The following SLC35D4 variants were observed in gnomAD, a reference collection of about 807,000 sequenced individuals.
SLC35D4 encodes UDP-N-acetylglucosamine transporter SLC35D4.
the SLC35D4 span, among the ~76,000 whole-genome samples, chr18:23,243,733 G>A: frequency 6.6e-6 from 1 of 151,882 alleles, no homozygotes; most frequent in African/African-American, 2.4e-5. Context: ...TTAGCCAGGT[G>A]TGGTGGCAGG....
chr18:23,367,548 C>T, the SLC35D4 span, among the ~76,000 whole-genome samples: 1 of 152,140 alleles, frequency 6.6e-6, no homozygotes, highest in African/African-American at 2.4e-5. Context: ...AACACTCTCT[C>T]TTCATTCTCT....
the SLC35D4 span, among the ~76,000 whole-genome samples, chr18:23,399,845 A>G: frequency 1.3e-5 from 2 of 152,200 alleles, no homozygotes; most frequent in African/African-American, 4.8e-5. Flanking sequence ...CTACAATCCC[A>G]TCATTACTGA....
chr18:23,366,911 AAAC>A, the SLC35D4 span, among the ~76,000 whole-genome samples: 1 of 152,214 alleles, frequency 6.6e-6, no homozygotes, highest in Admixed American at 6.5e-5. Context: ...ATGTAGCTAT[AAAC>A]AAGACTGAAG....
the SLC35D4 span, among the ~76,000 whole-genome samples, chr18:23,392,590 A>G: frequency 3.3e-5 from 5 of 152,186 alleles, no homozygotes; most frequent in Non-Finnish European, 5.9e-5. Flanking sequence ...TATTAAAAAT[A>G]CATACCTTGC....
chr18:23,427,054 C>T, the SLC35D4 span, among the ~76,000 whole-genome samples: 1 of 152,200 alleles, frequency 6.6e-6, no homozygotes, highest in Non-Finnish European at 1.5e-5. Context: ...AGACCTAAAA[C>T]CACAGAAACC....
At chr18:23,321,986 G>C in the SLC35D4 span, among the ~76,000 whole-genome samples, 1 of 152,110 alleles carries the variant, frequency 6.6e-6, no homozygotes, top group African/African-American at 2.4e-5. Context: ...GGAATATTCA[G>C]CTCCCTCTCC....
At chr18:23,360,785 T>A in the SLC35D4 span, among the ~76,000 whole-genome samples, 1 of 152,144 alleles carries the variant, frequency 6.6e-6, no homozygotes, top group African/African-American at 2.4e-5. Flanking sequence ...TTTAAAGTAC[T>A]ACCAAATAAC....
chr18:23,331,528 T>G, the SLC35D4 span: 1 of 152,260 alleles, frequency 6.6e-6, no homozygotes, highest in South Asian at 2.1e-4. Context: ...GGGCTCTGCT[T>G]TCTGAGCGCC....
the SLC35D4 span, among the ~76,000 whole-genome samples, chr18:23,270,664 T>A: frequency 3.9e-5 from 6 of 152,256 alleles, no homozygotes; most frequent in African/African-American, 1.4e-4. Flanking sequence ...ACCCACCTCC[T>A]GCATCAGCAT....
the SLC35D4 span, among the ~76,000 whole-genome samples, chr18:23,411,546 A>AAAGAAAGG: frequency 4.3e-3 from 636 of 148,992 alleles, 3 homozygotes; most frequent in Non-Finnish European, 7.1e-3. Flanking sequence ...AGAAAGAAAG[A>AAAGAAAGG]AAGAAAGGTG....
At chr18:23,329,852 TATACCATGGA>T in the SLC35D4 span, among the ~76,000 whole-genome samples, 6 of 152,314 alleles carry the variant, frequency 3.9e-5, no homozygotes, top group South Asian at 6.2e-4. Flanking sequence ...GTGGCACATA[TATACCATGGA>T]ATACTATGCA....
chr18:23,411,322 A>G, the SLC35D4 span, among the ~76,000 whole-genome samples: 2 of 140,984 alleles, frequency 1.4e-5, no homozygotes, highest in African/African-American at 2.6e-5. Flanking sequence ...GGGAAAGGGA[A>G]GAGAAGGGAA....
the SLC35D4 span, among the ~76,000 whole-genome samples, chr18:23,334,906 A>G: frequency 6.6e-6 from 1 of 152,054 alleles, no homozygotes; most frequent in Non-Finnish European, 1.5e-5. Context: ...CTCAGCAGGC[A>G]GAGGCAGGAG....
At chr18:23,358,452 GA>G in the SLC35D4 span, among the ~76,000 whole-genome samples, 1 of 149,808 alleles carries the variant, frequency 6.7e-6, no homozygotes, top group Non-Finnish European at 1.5e-5. Context: ...AAGAAAGAAA[GA>G]AAAAAAAACA....
the SLC35D4 span, among the ~76,000 whole-genome samples, chr18:23,245,426 G>A: frequency 6.6e-6 from 1 of 151,222 alleles, no homozygotes; most frequent in South Asian, 2.1e-4. Flanking sequence ...CACGAGAATC[G>A]CTTGAACCCG....
chr18:23,357,197 AT>A, the SLC35D4 span, among the ~76,000 whole-genome samples: 16 of 149,860 alleles, frequency 1.1e-4, no homozygotes, highest in South Asian at 4.2e-4. Flanking sequence ...CTGCCCTGAC[AT>A]TTTTTTTTTC....
chr18:23,251,724 A>G, the SLC35D4 span, among the ~76,000 whole-genome samples: 5 of 152,188 alleles, frequency 3.3e-5, no homozygotes, highest in Non-Finnish European at 7.3e-5. Context: ...CATTATATAC[A>G]TATGGTGGCA....
At chr18:23,340,508 C>T in the SLC35D4 span, among the ~76,000 whole-genome samples, 6 of 152,112 alleles carry the variant, frequency 3.9e-5, no homozygotes, top group Non-Finnish European at 8.8e-5. Flanking sequence ...CAGCACTGCA[C>T]AGCCCAAGAG....
the SLC35D4 span, among the ~76,000 whole-genome samples, chr18:23,387,146 A>G: frequency 0.18 from 27,898 of 152,092 alleles, 3,762 homozygotes; most frequent in African/African-American, 0.33. Context: ...TCCTGGCCTC[A>G]AGTGATCCAC....
Sources: gnomAD v4.1 joint callset for allele counts (sites outside exome capture counted in the v4.1 genomes callset) on GRCh38, gnomAD v4.1.1 for gene constraint, MANE v1.5 for transcripts, NCBI Gene and HGNC (gene_info 2026-07-23, HGNC 2026-07-21) for gene names.